Variants in TTYH2 observed in about 807,000 individuals in gnomAD.
TTYH2 encodes tweety family member 2, also known as protein tweety homolog 2.
TTYH2 carries 49 observed loss-of-function variants against 68.3 expected under a neutral mutation model. That is an observed-to-expected ratio of 0.72 (90% CI 0.57 to 0.91). The LOEUF (loss-of-function observed/expected upper bound fraction) is 0.91, where lower values mean the gene tolerates loss of function less well. Ranked by LOEUF, TTYH2 falls within the 40% of genes least tolerant of loss-of-function variation. TTYH2 has a pLI of 0.00. For synonymous variants in TTYH2, 272 were observed against 300.8 expected (o/e 0.90, Z 0.99); for missense variants, 631 against 700.4 (o/e 0.90, Z 1.12).
At chr17:74,231,969 G>A (rs1425412589) in intron 3 of TTYH2, among the ~76,000 whole-genome samples, 1 of 152,192 alleles carries the variant, frequency 6.6e-6, no homozygotes, top group Non-Finnish European at 1.5e-5. Flanking sequence ...GACAAGGGTG[G>A]ACATCTGAGG....
At position 74,249,888 on chromosome 17, in the gene TTYH2, TCCTGGGAGACGGAGCCTCACTGTGGGGC is replaced by T. The variant is rs1314068147; in HGVS notation, c.931-47_931-20del. 3 of 1,484,868 alleles carry T rather than the reference TCCTGGGAGACGGAGCCTCACTGTGGGGC, an allele frequency of 2.0e-6. No homozygotes were observed. Among genetic ancestry groups the T allele is most frequent in the African/African-American group, 2.8e-5 (2 of 71,266 alleles). The allele number at this position is 1,484,868 out of a possible 1,614,324, so 92.0% of individuals were successfully genotyped here. ...GGGAGACGGAGCCTCACTGTGGGGC[TCCTGGGAGACGGAGCCTCACTGTGGGGC>T]TGTGTCTTTCCTGGCTCAGACCCTG... On this transcript the variant is annotated intron_variant, in intron 8 of 13. Coordinates refer to ENST00000269346, the MANE Select transcript of TTYH2 (RefSeq NM_032646.6).
chr17:74,230,981 C>CTCTGGGA lies in TTYH2; in HGVS notation c.399_405dup (p.Asp136TrpfsTer26), dbSNP rs2050382915. The CTCTGGGA allele has an allele frequency of 6.2e-7, 1 of 1,614,050 alleles. No individual in the cohort carries two copies. The highest frequency in any genetic ancestry group is 1.3e-5 in the African/African-American group (1 of 75,044). On this transcript the variant is annotated frameshift_variant, in exon 3 of 14. Transcript: ENST00000269346. LOFTEE classifies it high-confidence loss of function. ...CCTTGGACGATGCCAACCACACCTTCTCTGGGATCGATGCTCTGGTAAGGC... is the reference window on the plus strand; with the variant it reads ...CCTTGGACGATGCCAACCACACCTTCTCTGGGATCTGGGATCGATGCTCTGGTAAGGC...
In TTYH2 at chr17:74,259,601, T is replaced by TAAA. The variant is rs2050727546; in HGVS notation, c.1525-528_1525-527insAAA. On this transcript the variant is annotated intron_variant, in intron 13 of 13. Coordinates refer to ENST00000269346, the MANE Select transcript of TTYH2 (RefSeq NM_032646.6). ...GATGTTTTTAGGCTCCCCAGGTGTT[T>TAAA]CTGGCGAGCAGCCCAGTTTGAGAGC... Among the ~76,000 whole-genome samples the TAAA allele has an allele frequency of 2.0e-5, 3 of 152,312 alleles. No homozygotes were observed. The South Asian group carries it at 6.2e-4, about 32-fold the overall frequency.
rs5822029 is a variant in TTYH2 at position 74,215,170 on chromosome 17, C to CGTGTGTGTGTGTGTGT, written c.129+1473_129+1488dup. On this transcript the variant is annotated intron_variant, in intron 1 of 13. Coordinates refer to ENST00000269346, the MANE Select transcript of TTYH2 (RefSeq NM_032646.6). The surrounding 1 kb of genome is among the most constrained non-coding windows in gnomAD (Gnocchi z 4.3). ...AGGCGGATATGATTTCAGAAACAGCCGTGTGTGTGTGTGTGTGTGTGTGTG... is the reference window on the plus strand; with the variant it reads ...AGGCGGATATGATTTCAGAAACAGCCGTGTGTGTGTGTGTGTGTGTGTGTGTGTGTGTGTGTGTGTG... 6.7e-4 allele frequency among the ~76,000 whole-genome samples: 99 copies of CGTGTGTGTGTGTGTGT among 147,490 alleles called. No homozygotes were observed. The highest frequency in any genetic ancestry group is 3.5e-3 in the Middle Eastern group (1 of 284).
chr17:74,260,081 T>C, intron 13 of TTYH2, 48 bp from the exon 14 acceptor site: 1 of 1,568,832 alleles, frequency 6.4e-7, no homozygotes. Flanking sequence ...GCTGGTGCAG[T>C]GCTTGGCTGA....
chr17:74,231,061 C>A, intron 3 of TTYH2, 62 bp downstream of exon 3: 4 of 1,482,924 alleles, frequency 2.7e-6, no homozygotes, highest in South Asian at 1.1e-5. Flanking sequence ...GTGGTCAGAG[C>A]AAGGGCCCCC....
chr17:74,230,428 A>G (rs2050376501), intron 2 of TTYH2, among the ~76,000 whole-genome samples: 1 of 152,028 alleles, frequency 6.6e-6, no homozygotes, highest in Admixed American at 6.5e-5. Flanking sequence ...CCAAACCTAT[A>G]GAATGTGCAA....
intron 10 of TTYH2, chr17:74,251,806 G>T (rs1050780840): frequency 1.2e-5 from 2 of 173,674 alleles, no homozygotes; most frequent in African/African-American, 2.4e-5. Context: ...CTCCTCTCCC[G>T]CATTGCAAGG....
intron 2 of TTYH2, among the ~76,000 whole-genome samples, chr17:74,230,276 G>T (rs1179342040): frequency 4.1e-5 from 6 of 145,118 alleles, no homozygotes; most frequent in African/African-American, 1.6e-4. Flanking sequence ...TTTAATTTTT[G>T]CAGAGATAGG....
Position 74,241,369 on chromosome 17 carries a change from A to G in TTYH2, c.636-2005A>G, listed in dbSNP as rs2050499626. Among the ~76,000 whole-genome samples the G allele has an allele frequency of 6.6e-6, 1 of 151,818 alleles. No homozygotes were observed. Among genetic ancestry groups the G allele is most frequent in the Admixed American group, 6.6e-5 (1 of 15,216 alleles). ...TTCCTTCCAGCTCTGAGCTAAGTCT[A>G]AGGAAACTGGCTTCTTGGTGGCAGC... On this transcript the variant is annotated intron_variant, in intron 4 of 13. Transcript: ENST00000269346. The surrounding 1 kb of genome is among the most constrained non-coding windows in gnomAD (Gnocchi z 4.1).
At chr17:74,229,942 C>T (rs1406107705) in intron 2 of TTYH2, among the ~76,000 whole-genome samples, 1 of 152,098 alleles carries the variant, frequency 6.6e-6, no homozygotes, top group African/African-American at 2.4e-5. Flanking sequence ...ACCAGCCTGG[C>T]CAACATGGTG....
In TTYH2 at chr17:74,222,872, A is replaced by C. The variant is rs1456133582; in HGVS notation, c.302+215A>C. ...AGAAAGGTCTCCCAAGTGGCCCCCC[A>C]CAAACCCTGCCCCAATGTGGGTTTG... On this transcript the variant is annotated intron_variant, in intron 2 of 13. Coordinates refer to ENST00000269346, the MANE Select transcript of TTYH2 (RefSeq NM_032646.6). The surrounding 1 kb of genome is among the most constrained non-coding windows in gnomAD (Gnocchi z 5.2). Among the ~76,000 whole-genome samples, 1 of 150,526 alleles carries C rather than the reference A, an allele frequency of 6.6e-6. No homozygotes were observed. Among genetic ancestry groups the C allele is most frequent in the Non-Finnish European group, 1.5e-5 (1 of 67,710 alleles).
In TTYH2 at chr17:74,237,329, A is replaced by G. The variant is rs201214131; in HGVS notation, c.450A>G (p.Leu150=). 7 of 1,614,186 alleles carry G rather than the reference A, an allele frequency of 4.3e-6. No homozygotes were observed. In the East Asian group the frequency reaches 1.6e-4, roughly 36 times the overall value. Residue 150 remains leucine, a synonymous_variant, in exon 4 of 14, where the codon CTA becomes CTG. Coordinates refer to ENST00000269346, the MANE Select transcript of TTYH2 (RefSeq NM_032646.6). ...CTACCCAGAAGATGAAGGTGGACCT[A>G]GAGCAGCACCTGGCCCGGCTCAGTG... is the stretch of plus-strand genomic sequence containing the variant. The part of the protein sequence containing the change: ...SGTTQKMKVD[L]EQHLARLSEI...
intron 3 of TTYH2, among the ~76,000 whole-genome samples, chr17:74,236,775 G>A (rs2050446588): frequency 6.6e-6 from 1 of 152,188 alleles, no homozygotes; most frequent in Non-Finnish European, 1.5e-5. Context: ...TGAGGGACAT[G>A]AGGACTGGGT....
intron 11 of TTYH2, 150 bp downstream of exon 11, chr17:74,252,526 C>A: frequency 9.6e-7 from 1 of 1,038,258 alleles, no homozygotes; most frequent in Non-Finnish European, 1.4e-6. Flanking sequence ...GGCTGGCTGA[C>A]TTCTACAGAA....
intron 3 of TTYH2, among the ~76,000 whole-genome samples, chr17:74,236,566 G>T (rs142242109): frequency 1.3e-5 from 2 of 152,202 alleles, no homozygotes; most frequent in African/African-American, 4.8e-5. Context: ...CAGGGGCCAC[G>T]TGGTGGGCAC....
In TTYH2 at chr17:74,213,770, ACCCCCT is replaced by A. The variant is rs2050195171; in HGVS notation, c.129+56_129+61del. The A allele has an allele frequency of 1.9e-6, 3 of 1,576,964 alleles. No homozygotes were observed. Among genetic ancestry groups the A allele is most frequent in the Non-Finnish European group, 2.6e-6 (3 of 1,160,268 alleles). On this transcript the variant is annotated intron_variant, in intron 1 of 13. Transcript: ENST00000269346. This position sits in a 1 kb window ranked among gnomAD's most constrained non-coding sequence, Gnocchi z 6.1. ...CACGCGCGCCCCAAGTCCCCGCACTACCCCCTCTCCCCTCGAGAGCCTGCACTTTCC... is the reference window on the plus strand; with the variant it reads ...CACGCGCGCCCCAAGTCCCCGCACTACTCCCCTCGAGAGCCTGCACTTTCC...
rs549744882 is a variant in TTYH2, at chr17:74,227,782, G to GC, written c.303-3099dup. ...TTTTGTTTTTTTTTTAATGTCTCCT[G>GC]CCCCCCCATCTTGGATGATACAGGA... On this transcript the variant is annotated intron_variant, in intron 2 of 13. Coordinates refer to ENST00000269346, the MANE Select transcript of TTYH2 (RefSeq NM_032646.6). 5.7e-5 allele frequency among the ~76,000 whole-genome samples: 8 copies of GC among 141,322 alleles called. No homozygotes were observed. In the South Asian group the frequency reaches 1.3e-3, roughly 24 times the overall value. 92.7% of individuals were successfully genotyped at this position (141,322 alleles called of 152,430 possible). A position where few individuals can be genotyped will look rare whatever the true frequency, so the allele number is the denominator to read the frequency against.
intron 3 of TTYH2, among the ~76,000 whole-genome samples, chr17:74,234,459 G>A (rs1193412264): frequency 2.0e-5 from 3 of 152,202 alleles, no homozygotes; most frequent in Admixed American, 6.5e-5. Context: ...GAGAAGTGGG[G>A]AGTTGTAAGT....
Sources: gnomAD v4.1 joint callset for allele counts (sites outside exome capture counted in the v4.1 genomes callset) on GRCh38, gnomAD v4.1.1 for gene constraint, Gnocchi (gnomAD v3.1) non-coding constraint, MANE v1.5 for transcripts, NCBI Gene and HGNC (gene_info 2026-07-23, HGNC 2026-07-21) for gene names.